The following CSF2RA variants were observed in gnomAD, a reference collection of about 807,000 sequenced individuals.
CSF2RA encodes granulocyte-macrophage colony-stimulating factor receptor subunit alpha.
A neutral mutation model predicts 51.6 loss-of-function variants in CSF2RA; 42 were observed. That is an observed-to-expected ratio of 0.81 (90% CI 0.64 to 1.05). The LOEUF (loss-of-function observed/expected upper bound fraction) is 1.05. Ranked by LOEUF, CSF2RA falls within the 50% of genes least tolerant of loss-of-function variation. The probability of loss-of-function intolerance (pLI) is 0.00; values close to 1 mark genes in which losing one functional copy is unlikely to be tolerated. For synonymous variants in CSF2RA, 222 were observed against 193.0 expected (o/e 1.15, Z -1.24); for missense variants, 530 against 501.1 (o/e 1.06, Z -0.55).
chrX:1,279,491 G>T (rs1239990309), intron 2 of CSF2RA, among the ~76,000 whole-genome samples: 29 of 152,140 alleles, frequency 1.9e-4, no homozygotes, highest in Middle Eastern at 3.4e-3. Context: ...CTGGGGAGTT[G>T]TATCTGAATC....
chrX:1,288,479 G>A (rs748864520), intron 4 of CSF2RA, 40 bp from the exon 5 acceptor site: 5 of 1,613,632 alleles, frequency 3.1e-6, no homozygotes, highest in East Asian at 4.5e-5. Context: ...GAGACAGAAG[G>A]TTGTTTCCTA....
intron 1 of CSF2RA, among the ~76,000 whole-genome samples, chrX:1,272,962 G>A (rs2088648279): frequency 6.6e-6 from 1 of 151,220 alleles, no homozygotes; most frequent in African/African-American, 2.4e-5. Flanking sequence ...GAGATTACAG[G>A]CACGTACCAC....
intron 9 of CSF2RA, among the ~76,000 whole-genome samples, chrX:1,299,510 C>T (rs1322473066): frequency 1.3e-5 from 2 of 152,118 alleles, no homozygotes; most frequent in African/African-American, 4.8e-5. Context: ...CTGCAAGCTC[C>T]ACCTCCCAGC....
At chrX:1,314,566 C>CG (rs1346992186), downstream of CSF2RA, among the ~76,000 whole-genome samples, 39 of 28,182 alleles carry the variant, frequency 1.4e-3, 2 homozygotes, top group African/African-American at 2.7e-3. Flanking sequence ...CTGCCCAATC[C>CG]CACTGCACCT....
intron 9 of CSF2RA, among the ~76,000 whole-genome samples, chrX:1,296,207 A>T (rs1224431489): frequency 2.0e-5 from 3 of 149,086 alleles, no homozygotes; most frequent in African/African-American, 7.5e-5. Context: ...ACAGTTCCCT[A>T]TCCATGACCT....
intron 9 of CSF2RA, among the ~76,000 whole-genome samples, chrX:1,297,790 C>T (rs2092065265): frequency 7.9e-6 from 1 of 127,226 alleles, no homozygotes; most frequent in Non-Finnish European, 1.7e-5. Context: ...CGGTGGAACC[C>T]TACAGTCCCC....
Position 1,287,223 on chromosome X carries a change from G to C in CSF2RA, c.220-1296G>C, listed in dbSNP as rs186960845. The stretch of plus-strand genomic sequence containing the variant: ...GGCTGGAGTACACTGGTGTGATCTT[G>C]GCTCACTGCAACCTCCACCTCCTGG... On this transcript the variant is annotated intron_variant, in intron 4 of 12. Transcript: ENST00000381529. The C allele has an allele frequency of 5.2e-3, 702 of 133,900 alleles. 3 individuals carry two copies. The highest frequency in any genetic ancestry group is 7.3e-3 in the Non-Finnish European group (477 of 65,314). The allele number at this position is 133,900 out of a possible 1,614,324, so 8.3% of individuals were successfully genotyped here.
chrX:1,304,580 A>C (rs1239698231), intron 11 of CSF2RA, among the ~76,000 whole-genome samples: 1 of 151,570 alleles, frequency 6.6e-6, no homozygotes, highest in African/African-American at 2.4e-5. Flanking sequence ...GCTGAGCTCC[A>C]GAGGGGAAAC....
At chrX:1,310,797 A>G (rs61476373), downstream of CSF2RA, among the ~76,000 whole-genome samples, 9,618 of 151,970 alleles carry the variant, frequency 0.063, 1,047 homozygotes, top group African/African-American at 0.22. Flanking sequence ...TCCCTTGCAA[A>G]TCTCAGTTTG....
At chrX:1,314,686 T>C (rs868381075), downstream of CSF2RA, among the ~76,000 whole-genome samples, 4 of 608 alleles carry the variant, frequency 6.6e-3, 1 homozygote, top group Non-Finnish European at 0.013. Flanking sequence ...AACCCCTCTG[T>C]GCCTGCCCAA....
chrX:1,287,595 C>T (rs190108845), intron 4 of CSF2RA, among the ~76,000 whole-genome samples: 2 of 147,844 alleles, frequency 1.4e-5, no homozygotes. Flanking sequence ...AGGTGCCCAC[C>T]ACCACACCTG....
rs768648388 is a variant in CSF2RA, at chrX:1,294,349, A to T, written c.668A>T (p.Asn223Ile). 1 of 1,613,616 alleles carries T rather than the reference A, an allele frequency of 6.2e-7. No homozygotes were observed. Among genetic ancestry groups the T allele is most frequent in the East Asian group, 2.2e-5 (1 of 44,864 alleles). The change falls in exon 8 of 13, where the codon AAT becomes ATT. Residue 223 changes from asparagine (N) to isoleucine (I), a missense_variant. By Grantham distance (149) the Asn-to-Ile change is moderately radical (BLOSUM62 -3). Coordinates refer to ENST00000381529, the MANE Select transcript of CSF2RA (RefSeq NM_172245.4). ...ACAGAACGATTCAACCCTCCCAGCA[A>T]TGTCACCGTACGTTGCAACACGACG... ...KKIERFNPPS[N>I]VTVRCNTTHC...
the CSF2RA span, among the ~76,000 whole-genome samples, chrX:1,316,906 G>T: frequency 0.023 from 3,440 of 152,266 alleles, 129 homozygotes; most frequent in African/African-American, 0.079. Context: ...CACTAACAAT[G>T]AACTAGATAG....
chrX:1,272,826 T>TTTTTTTTTTTTCTTTCTTTTTTTC (rs2088628407), intron 1 of CSF2RA, among the ~76,000 whole-genome samples: 4 of 11,618 alleles, frequency 3.4e-4, no homozygotes, highest in Non-Finnish European at 1.3e-3. Flanking sequence ...TCTTTTTTTC[T>TTTTTTTTTTTTCTTTCTTTTTTTC]TTTTTTTTTT....
At chrX:1,300,346 A>C in intron 9 of CSF2RA, 145 bp from the exon 10 acceptor site, 1 of 972,556 alleles carries the variant, frequency 1.0e-6, no homozygotes, top group Non-Finnish European at 1.6e-6. Context: ...CGATCAGACC[A>C]AGTGCATTCA....
chrX:1,289,688 T>TTTTTG (rs763950486), intron 6 of CSF2RA, among the ~76,000 whole-genome samples: 19,466 of 150,942 alleles, frequency 0.13, 1,498 homozygotes, highest in South Asian at 0.23. Context: ...GTTGTGTTTG[T>TTTTTG]TTTTGTTTTG....
At chrX:1,305,659 G>A (rs1256656723) in intron 12 of CSF2RA, 132 bp downstream of exon 12, 5 of 1,604,050 alleles carry the variant, frequency 3.1e-6, no homozygotes, top group South Asian at 2.2e-5. Context: ...CGGTGTGGCT[G>A]GAATCTGTAT....
Position 1,288,906 on chromosome X carries a change from G to A in CSF2RA, c.473+18G>A, listed in dbSNP as rs756483400. 2 of 1,507,346 alleles carry A rather than the reference G, an allele frequency of 1.3e-6. No individual in the cohort carries two copies. The highest frequency in any genetic ancestry group is 2.3e-5 in the South Asian group (2 of 87,268). The allele number at this position is 1,507,346 out of a possible 1,614,324, so 93.4% of individuals were successfully genotyped here. A position where few individuals can be genotyped will look rare whatever the true frequency, so the allele number is the denominator to read the frequency against. The stretch of plus-strand genomic sequence containing the variant: ...AACTCAAAGTAAGTGTTCACCTCAT[G>A]TGAAGAATTATGAGGAATGCAGGGA... On this transcript the variant is annotated intron_variant, in intron 6 of 12. Transcript: ENST00000381529.
At chrX:1,269,908 G>A (rs2088146856) in intron 1 of CSF2RA, among the ~76,000 whole-genome samples, 2 of 152,118 alleles carry the variant, frequency 1.3e-5, no homozygotes, top group South Asian at 4.1e-4. Flanking sequence ...AGGAGTTCGA[G>A]ATCAGCTTGG....
Sources: allele counts gnomAD v4.1 joint callset (sites outside exome capture counted in the v4.1 genomes callset), GRCh38; gene constraint gnomAD v4.1.1; transcripts MANE v1.5; gene names NCBI Gene and HGNC (gene_info 2026-07-23, HGNC 2026-07-21).